Variants in CPEB1 observed in about 807,000 individuals in gnomAD.
CPEB1 encodes the protein cytoplasmic polyadenylation element binding protein 1, also known as cytoplasmic polyadenylation element-binding protein 1.
In CPEB1, 7 loss-of-function variants were observed where a neutral mutation model predicts 65.8. The ratio of observed to expected loss-of-function variants is 0.11; its 90% CI spans 0.06 to 0.20. The LOEUF (loss-of-function observed/expected upper bound fraction) is 0.20, where lower values mean the gene tolerates loss of function less well. Ranked by LOEUF, CPEB1 falls within the 10% of genes least tolerant of loss-of-function variation. The pLI, the probability that CPEB1 is intolerant of heterozygous loss-of-function variation, is 1.00. For synonymous variants in CPEB1, 262 were observed against 260.0 expected, an observed-to-expected ratio of 1.01 and a Z score of -0.08; for missense variants, 551 against 712.2, an observed-to-expected ratio of 0.77 and a Z score of 2.58.
At chr15:82,620,368 G>C (rs2045187234) in intron 3 of CPEB1, among the ~76,000 whole-genome samples, 2 of 151,508 alleles carry the variant, frequency 1.3e-5, no homozygotes, top group Admixed American at 1.3e-4. Flanking sequence ...GAGGATGCAG[G>C]GAGCCAAGAT....
At chr15:82,620,672 G>A (rs1029967498) in intron 3 of CPEB1, among the ~76,000 whole-genome samples, 6 of 152,056 alleles carry the variant, frequency 3.9e-5, no homozygotes, top group East Asian at 1.9e-4. Context: ...GCATGGTGGC[G>A]CATGATTGCA....
intron 3 of CPEB1, among the ~76,000 whole-genome samples, chr15:82,584,203 G>A (rs1397864174): frequency 7.2e-6 from 1 of 138,264 alleles, no homozygotes; most frequent in Non-Finnish European, 1.5e-5. Flanking sequence ...AGCTTGCAGT[G>A]AGTGGAGATC....
chr15:82,606,096 G>A (rs780777914), intron 3 of CPEB1, among the ~76,000 whole-genome samples: 5 of 152,128 alleles, frequency 3.3e-5, no homozygotes, highest in African/African-American at 9.7e-5. Flanking sequence ...AAAATAAAGC[G>A]ATACTGGTGC....
chr15:82,550,705 G>A (rs1204374789), intron 9 of CPEB1, among the ~76,000 whole-genome samples: 1 of 152,224 alleles, frequency 6.6e-6, no homozygotes, highest in Non-Finnish European at 1.5e-5. Context: ...TAGGACATGA[G>A]GCTAGAAAGG....
intron 3 of CPEB1, among the ~76,000 whole-genome samples, chr15:82,575,331 A>G (rs2040533998): frequency 6.6e-6 from 1 of 152,226 alleles, no homozygotes; most frequent in African/African-American, 2.4e-5. Flanking sequence ...AGAGACGTAA[A>G]AGTGAAAGCT....
intron 3 of CPEB1, among the ~76,000 whole-genome samples, chr15:82,596,683 G>C (rs891704079): frequency 2.2e-5 from 3 of 137,972 alleles, no homozygotes; most frequent in Admixed American, 7.4e-5. Context: ...GGGCAACAGA[G>C]GGAGACTCTG....
intron 1 of CPEB1, among the ~76,000 whole-genome samples, chr15:82,646,374 G>A (rs2047523135): frequency 1.3e-5 from 2 of 152,182 alleles, no homozygotes; most frequent in South Asian, 2.1e-4. Flanking sequence ...AGCGCGGGGA[G>A]GCTGGGCGGT....
intron 3 of CPEB1, among the ~76,000 whole-genome samples, chr15:82,608,798 C>T (rs2043864867): frequency 6.6e-6 from 1 of 151,944 alleles, no homozygotes; most frequent in Admixed American, 6.6e-5. Flanking sequence ...ATGTATAGAA[C>T]AAGATGACAG....
At chr15:82,610,992 A>G (rs2044101199) in intron 3 of CPEB1, among the ~76,000 whole-genome samples, 1 of 149,844 alleles carries the variant, frequency 6.7e-6, no homozygotes, top group Admixed American at 6.7e-5. Flanking sequence ...AAAAAAAGAA[A>G]AAAAGAAAAA....
intron 4 of CPEB1, among the ~76,000 whole-genome samples, chr15:82,563,905 A>G (rs1367263963): frequency 6.6e-6 from 1 of 152,182 alleles, no homozygotes; most frequent in Admixed American, 6.5e-5. Flanking sequence ...TAACTTATCT[A>G]ATCAGCAGAG....
chr15:82,598,437 T>A (rs1320562558), intron 3 of CPEB1, among the ~76,000 whole-genome samples: 2 of 152,012 alleles, frequency 1.3e-5, no homozygotes, highest in African/African-American at 4.8e-5. Flanking sequence ...GAGGTTGCAG[T>A]GAGCTGAGAT....
At chr15:82,608,718 C>T (rs1327643438) in intron 3 of CPEB1, among the ~76,000 whole-genome samples, 1 of 152,100 alleles carries the variant, frequency 6.6e-6, no homozygotes, top group Non-Finnish European at 1.5e-5. Flanking sequence ...GGAAGAATTT[C>T]AGAGGTCCTT....
At position 82,606,719 on chromosome 15, in the gene CPEB1, G is replaced by A. The variant is rs1254036427; in HGVS notation, c.271+20474C>T. Reference sequence around the variant, plus strand: ...TGTAGTCCCAGCTACTTGGGAGGCTGAGGCAGGAGAATGGCGTGAACCCGG... The same window carrying A: ...TGTAGTCCCAGCTACTTGGGAGGCTAAGGCAGGAGAATGGCGTGAACCCGG... On this transcript the variant is annotated intron_variant, in intron 3 of 12. Transcript: ENST00000684509. Among the ~76,000 whole-genome samples the A allele has an allele frequency of 2.2e-5, 2 of 91,282 alleles. 1 individual carries two copies. The highest frequency in any genetic ancestry group is 4.3e-5 in the Non-Finnish European group (2 of 46,074). 59.9% of individuals were successfully genotyped at this position (91,282 alleles called of 152,430 possible).
chr15:82,571,186 C>T (rs2039971501), intron 4 of CPEB1, among the ~76,000 whole-genome samples, 158 bp downstream of exon 4: 1 of 152,230 alleles, frequency 6.6e-6, no homozygotes, highest in African/African-American at 2.4e-5. Flanking sequence ...GCCACACTCA[C>T]AGCTTGCATT....
intron 3 of CPEB1, among the ~76,000 whole-genome samples, chr15:82,577,223 A>C (rs77963853): frequency 0.013 from 1,932 of 152,196 alleles, 32 homozygotes; most frequent in African/African-American, 0.043. Flanking sequence ...ACTATGTCCA[A>C]CTATTTTTAT....
chr15:82,647,394 T>A (rs1381563108), upstream of CPEB1: 1 of 154,178 alleles, frequency 6.5e-6, no homozygotes, highest in Admixed American at 6.5e-5. Context: ...CCCCGCCCCG[T>A]CCCGCCCGGG....
chr15:82,553,647 G>GT (rs2036665875), intron 7 of CPEB1, 91 bp from the exon 8 acceptor site: 42 of 980,600 alleles, frequency 4.3e-5, no homozygotes, highest in Non-Finnish European at 5.9e-5. Flanking sequence ...TCTCCTCCCT[G>GT]GCTCATCCCC....
chr15:82,600,480 C>T (rs2151189104), intron 3 of CPEB1, among the ~76,000 whole-genome samples: 1 of 152,086 alleles, frequency 6.6e-6, no homozygotes, highest in South Asian at 2.1e-4. Flanking sequence ...AAAGAGGACA[C>T]ATCTAAGTCT....
chr15:82,603,520 C>T (rs902971100), intron 3 of CPEB1, among the ~76,000 whole-genome samples: 1 of 127,664 alleles, frequency 7.8e-6, no homozygotes, highest in African/African-American at 3.4e-5. Context: ...GGAATCTAGG[C>T]TAACCTGCAT....
Sources: gnomAD v4.1 joint callset for allele counts (sites outside exome capture counted in the v4.1 genomes callset) on GRCh38, gnomAD v4.1.1 for gene constraint, MANE v1.5 for transcripts, NCBI Gene and HGNC (gene_info 2026-07-23, HGNC 2026-07-21) for gene names.